Variants in SLC4A10 observed in about 807,000 individuals in gnomAD.
SLC4A10 encodes the protein solute carrier family 4 member 10.
A neutral mutation model predicts 137.7 loss-of-function variants in SLC4A10; 42 were observed. The observed-to-expected ratio is 0.30, with a 90% CI of 0.24 to 0.39. The LOEUF (loss-of-function observed/expected upper bound fraction) is 0.39. SLC4A10 is among the 10% of genes least tolerant of loss of function. The probability of loss-of-function intolerance (pLI) is 1.00; values close to 1 mark genes in which losing one functional copy is unlikely to be tolerated. For missense variants in SLC4A10, 925 were observed against 1,355.0 expected (o/e 0.68, Z 4.98); for synonymous variants, 474 against 464.1 (o/e 1.02, Z -0.27).
In SLC4A10 at chr2:161,836,582, AAG is replaced by A. The variant is rs2058817554; in HGVS notation, c.278-3205_278-3204del. 1.9e-5 allele frequency among the ~76,000 whole-genome samples: 2 copies of A among 107,312 alleles called. 1 individual carries two copies. Among genetic ancestry groups the A allele is most frequent in the Admixed American group, 1.7e-4 (2 of 11,530 alleles). 70.4% of individuals were successfully genotyped at this position (107,312 alleles called of 152,430 possible). ...AAAGAAAGAAAGAAAGAAAGAAAGA[AAG>A]AAAGAAAGAAAGAAAGGAAGGAAGG... On this transcript the variant is annotated intron_variant, in intron 3 of 26. Transcript: ENST00000446997.
At chr2:161,882,469 C>T (rs377535595) in intron 10 of SLC4A10, 25 bp downstream of exon 10, 6 of 1,478,986 alleles carry the variant, frequency 4.1e-6, no homozygotes, top group East Asian at 2.4e-5. Context: ...TCTTTGGGAA[C>T]ATTTTCCCCC....
At chr2:161,632,703 C>T (rs10182991) in intron 1 of SLC4A10, among the ~76,000 whole-genome samples, 4,478 of 151,430 alleles carry the variant, frequency 0.03, 230 homozygotes, top group African/African-American at 0.1. Flanking sequence ...AAGTTCCAGG[C>T]CTTATTTAAG....
At chr2:161,686,628 T>C (rs2041435739) in intron 1 of SLC4A10, among the ~76,000 whole-genome samples, 2 of 152,150 alleles carry the variant, frequency 1.3e-5, no homozygotes, top group Non-Finnish European at 2.9e-5. Context: ...ATTACAACAT[T>C]GTTTACAATA....
At chr2:161,631,961 A>C (rs1344791407) in intron 1 of SLC4A10, among the ~76,000 whole-genome samples, 1 of 151,790 alleles carries the variant, frequency 6.6e-6, no homozygotes, top group African/African-American at 2.4e-5. Flanking sequence ...TTGCTCATTC[A>C]TCATGAAAAT....
chr2:161,638,849 A>G lies in SLC4A10; in HGVS notation c.48+14283A>G, dbSNP rs565378146. Among the ~76,000 whole-genome samples the G allele has an allele frequency of 3.1e-3, 417 of 134,728 alleles. 1 individual carries two copies. Among genetic ancestry groups the G allele is most frequent in the African/African-American group, 0.011 (408 of 36,746 alleles). The allele number at this position is 134,728 out of a possible 152,430, so 88.4% of individuals were successfully genotyped here. A position where few individuals can be genotyped will look rare whatever the true frequency, so the allele number is the denominator to read the frequency against. Reference sequence around the variant, plus strand: ...ATCTTTCATCTCTTTGGTTAAATTTATTTATAGGTATTTCTTTTTTTTAAG... The same window carrying G: ...ATCTTTCATCTCTTTGGTTAAATTTGTTTATAGGTATTTCTTTTTTTTAAG... On this transcript the variant is annotated intron_variant, in intron 1 of 26. Transcript: ENST00000446997.
intron 12 of SLC4A10, among the ~76,000 whole-genome samples, chr2:161,903,513 A>C (rs1415759734): frequency 6.6e-6 from 1 of 152,168 alleles, no homozygotes; most frequent in Non-Finnish European, 1.5e-5. Flanking sequence ...AGGTAACTGG[A>C]GCCATGGTTA....
intron 1 of SLC4A10, among the ~76,000 whole-genome samples, chr2:161,740,060 C>T (rs1236129753): frequency 6.6e-6 from 1 of 152,180 alleles, no homozygotes; most frequent in Admixed American, 6.5e-5. Flanking sequence ...CAAAGACAGG[C>T]TTTTACCAGG....
rs774548352 is a variant in SLC4A10, at chr2:161,839,770, C to G, written c.278-19C>G. On this transcript the variant is annotated intron_variant, in intron 3 of 26. Transcript: ENST00000446997. ...GTGGTAATACATGTTCATGGTAATA[C>G]ATGTCTCTGATTTTTTAGACACCCC... 4 of 1,612,928 alleles carry G rather than the reference C, an allele frequency of 2.5e-6. No homozygotes were observed. Among genetic ancestry groups the G allele is most frequent in the Middle Eastern group, 3.3e-4 (2 of 6,054 alleles).
chr2:161,914,689 C>A (rs1686691990), intron 15 of SLC4A10, among the ~76,000 whole-genome samples: 1 of 151,892 alleles, frequency 6.6e-6, no homozygotes, highest in Non-Finnish European at 1.5e-5. Context: ...TTTTGGGGAG[C>A]TAGCAGGAAT....
intron 1 of SLC4A10, among the ~76,000 whole-genome samples, chr2:161,750,557 C>A (rs561390265): frequency 8.6e-5 from 13 of 151,594 alleles, no homozygotes; most frequent in Non-Finnish European, 1.9e-4. Flanking sequence ...TTATTCCTGC[C>A]GCTAATTTCT....
At chr2:161,709,362 A>G (rs753912278) in intron 1 of SLC4A10, among the ~76,000 whole-genome samples, 1 of 151,658 alleles carries the variant, frequency 6.6e-6, no homozygotes, top group Non-Finnish European at 1.5e-5. Flanking sequence ...CATCTTTGTC[A>G]GCATCTGACC....
chr2:161,642,774 A>C (rs1309734312), intron 1 of SLC4A10, among the ~76,000 whole-genome samples: 2 of 151,978 alleles, frequency 1.3e-5, no homozygotes, highest in Admixed American at 1.3e-4. Flanking sequence ...TAATATCTTC[A>C]TGTAGATGAT....
intron 19 of SLC4A10, among the ~76,000 whole-genome samples, chr2:161,956,574 T>C (rs992695100): frequency 6.6e-6 from 1 of 152,134 alleles, no homozygotes; most frequent in Non-Finnish European, 1.5e-5. Context: ...TTTTTCCTCC[T>C]TTACATTTCC....
intron 23 of SLC4A10, among the ~76,000 whole-genome samples, chr2:161,972,142 T>A (rs545267913): frequency 1.6e-4 from 24 of 152,308 alleles, no homozygotes; most frequent in Admixed American, 2.6e-4. Context: ...TGGCCAGAAA[T>A]GATATCATAT....
intron 5 of SLC4A10, among the ~76,000 whole-genome samples, chr2:161,856,945 G>A (rs1453271905): frequency 2.0e-5 from 3 of 152,008 alleles, no homozygotes; most frequent in African/African-American, 7.2e-5. Flanking sequence ...TTTTGAAATG[G>A]GAAACAAAAC....
chr2:161,831,588 G>A (rs1337464250), intron 3 of SLC4A10, among the ~76,000 whole-genome samples: 1 of 151,924 alleles, frequency 6.6e-6, no homozygotes, highest in East Asian at 1.9e-4. Flanking sequence ...AGTTTTTGCT[G>A]CCCTATAGGA....
At chr2:161,768,833 G>A (rs180799834) in intron 1 of SLC4A10, among the ~76,000 whole-genome samples, 4 of 151,920 alleles carry the variant, frequency 2.6e-5, no homozygotes, top group East Asian at 3.9e-4. Flanking sequence ...CTAATTATCC[G>A]ATTCCATTTT....
intron 1 of SLC4A10, among the ~76,000 whole-genome samples, chr2:161,632,035 G>T (rs996643143): frequency 7.9e-5 from 12 of 151,682 alleles, no homozygotes; most frequent in African/African-American, 2.9e-4. Flanking sequence ...TATTGAATGT[G>T]CTAGGTTGCT....
At chr2:161,756,205 T>A (rs1168837699) in intron 1 of SLC4A10, among the ~76,000 whole-genome samples, 2 of 152,192 alleles carry the variant, frequency 1.3e-5, no homozygotes, top group South Asian at 2.1e-4. Flanking sequence ...ATCTTCTACA[T>A]GCTTTTGTTA....
Sources: gnomAD v4.1 joint callset for allele counts (sites outside exome capture counted in the v4.1 genomes callset) on GRCh38, gnomAD v4.1.1 for gene constraint, MANE v1.5 for transcripts, NCBI Gene and HGNC (gene_info 2026-07-23, HGNC 2026-07-21) for gene names.